Variants in SRC observed in about 807,000 individuals in gnomAD.
SRC encodes proto-oncogene tyrosine-protein kinase Src.
A neutral mutation model predicts 62.9 loss-of-function variants in SRC; 13 were observed. The ratio of observed to expected loss-of-function variants is 0.21; its 90% CI spans 0.13 to 0.33. SRC has a LOEUF of 0.33. SRC is among the 10% of genes least tolerant of loss of function. SRC has a pLI of 1.00. For synonymous variants in SRC, 302 were observed against 317.5 expected, an observed-to-expected ratio of 0.95 and a Z score of 0.52; for missense variants, 457 against 737.3, an observed-to-expected ratio of 0.62 and a Z score of 4.40.
At chr20:37,370,987 CTTCTTT>C (rs1230926051) in intron 2 of SRC, among the ~76,000 whole-genome samples, 12 of 91,244 alleles carry the variant, frequency 1.3e-4, no homozygotes, top group African/African-American at 8.9e-4. Context: ...TCTTCTTCTT[CTTCTTT>C]TTTTTTTTTT....
chr20:37,397,826 C>T lies in SRC; in HGVS notation c.831C>T (p.Gly277=), dbSNP rs760845781. The T allele has an allele frequency of 3.7e-5, 60 of 1,611,222 alleles. No individual in the cohort carries two copies. The highest frequency in any genetic ancestry group is 4.7e-5 in the Non-Finnish European group (56 of 1,179,708). Residue 277 remains glycine (G), a synonymous_variant, in exon 9 of 14, where the codon GGC becomes GGT. Coordinates refer to ENST00000373578, the MANE Select transcript of SRC (RefSeq NM_198291.3). The surrounding 1 kb of genome is among the most constrained non-coding windows in gnomAD (Gnocchi z 4.1). ...RESLRLEVKL[G]QGCFGEVWMG... ...CGCTGCGGCTGGAGGTCAAGCTGGG[C>T]CAGGGCTGCTTTGGCGAGGTGTGGA... is the stretch of plus-strand genomic sequence containing the variant.
At chr20:37,352,747 G>T (rs974842804) in intron 1 of SRC, among the ~76,000 whole-genome samples, 2 of 152,144 alleles carry the variant, frequency 1.3e-5, no homozygotes, top group African/African-American at 4.8e-5. Flanking sequence ...CCCTAGAGGT[G>T]CCCTGCCCCG....
intron 2 of SRC, among the ~76,000 whole-genome samples, chr20:37,370,449 C>T (rs141653214): frequency 6.8e-4 from 103 of 152,314 alleles, no homozygotes; most frequent in Non-Finnish European, 1.3e-3. Flanking sequence ...CTGGCAGGCA[C>T]CTGTAATCCC....
intron 1 of SRC, among the ~76,000 whole-genome samples, chr20:37,363,243 GC>G (rs2070005031): frequency 6.6e-6 from 1 of 152,198 alleles, no homozygotes; most frequent in South Asian, 2.1e-4. Flanking sequence ...AGTTTTGCAG[GC>G]CTTCGTGACT....
chr20:37,345,593 A>G (rs1432200772), upstream of SRC, among the ~76,000 whole-genome samples: 1 of 152,186 alleles, frequency 6.6e-6, no homozygotes, highest in African/African-American at 2.4e-5. Context: ...AACTCAGGTC[A>G]AGGCTAAAGT....
At chr20:37,381,095 C>T (rs1273426397) in intron 2 of SRC, among the ~76,000 whole-genome samples, 5 of 152,140 alleles carry the variant, frequency 3.3e-5, no homozygotes, top group South Asian at 2.1e-4. Flanking sequence ...TCCAGCACTC[C>T]GGCTCTTAAC....
chr20:37,373,610 C>A (rs917022634), intron 2 of SRC, among the ~76,000 whole-genome samples: 3 of 152,194 alleles, frequency 2.0e-5, no homozygotes, highest in African/African-American at 7.2e-5. Flanking sequence ...ACGCCCAGCT[C>A]TTCCCCTTTT....
chr20:37,388,442 T>G (rs1050001328), intron 5 of SRC, among the ~76,000 whole-genome samples: 1 of 152,164 alleles, frequency 6.6e-6, no homozygotes, highest in Non-Finnish European at 1.5e-5. Context: ...CAATGCTCCT[T>G]CGCTTAGACG....
chr20:37,379,990 C>T (rs1270414823), intron 2 of SRC, among the ~76,000 whole-genome samples: 1 of 118,650 alleles, frequency 8.4e-6, no homozygotes, highest in African/African-American at 3.1e-5. Flanking sequence ...AGAAAAAGAC[C>T]GAGAGAGCTT....
intron 2 of SRC, among the ~76,000 whole-genome samples, chr20:37,376,805 A>G (rs2070285561): frequency 6.6e-6 from 1 of 152,122 alleles, no homozygotes. Context: ...GCCCGGCCCC[A>G]CCTGTAGTTT....
intron 10 of SRC, among the ~76,000 whole-genome samples, chr20:37,400,783 T>C (rs770950762): frequency 6.6e-6 from 1 of 152,202 alleles, no homozygotes. Context: ...TTTTAACAAC[T>C]GGATTTACTG....
chr20:37,394,112 A>G, intron 6 of SRC, 62 bp from the exon 7 acceptor site: 1 of 1,570,398 alleles, frequency 6.4e-7, no homozygotes. Flanking sequence ...ATCCAGGGAG[A>G]AGCACTGTGA....
At chr20:37,375,239 T>TG (rs2147005507) in intron 2 of SRC, among the ~76,000 whole-genome samples, 1 of 146,456 alleles carries the variant, frequency 6.8e-6, no homozygotes, top group South Asian at 2.1e-4. Context: ...CCTCTTTCCT[T>TG]TTTTTTTTTT....
intron 7 of SRC, among the ~76,000 whole-genome samples, chr20:37,394,820 G>T (rs1165420844): frequency 6.6e-6 from 1 of 152,210 alleles, no homozygotes; most frequent in African/African-American, 2.4e-5. Flanking sequence ...CTGGGGCTCA[G>T]CGGGAGATGG....
chr20:37,366,378 T>A (rs1452953485), intron 2 of SRC, among the ~76,000 whole-genome samples: 1 of 152,198 alleles, frequency 6.6e-6, no homozygotes, highest in East Asian at 1.9e-4. Flanking sequence ...TGAGATAAAA[T>A]TCCCATACCA....
At position 37,396,448 on chromosome 20, in the gene SRC, C is replaced by T; in HGVS notation, c.703+137C>T. ...CCCACTTCCCCCTCCCCCCTCCCTT[C>T]CTCTCTCCTCCCTTTTCCCTCCTTT... On this transcript the variant is annotated intron_variant, in intron 8 of 13. Transcript: ENST00000373578. The surrounding 1 kb of genome is among the most constrained non-coding windows in gnomAD (Gnocchi z 6.1). The T allele has an allele frequency of 1.0e-6, 1 of 995,834 alleles. No individual in the cohort carries two copies. The highest frequency in any genetic ancestry group is 1.4e-6 in the Non-Finnish European group (1 of 690,298). The allele number at this position is 995,834 out of a possible 1,614,324, so 61.7% of individuals were successfully genotyped here. A position where few individuals can be genotyped will look rare whatever the true frequency, so the allele number is the denominator to read the frequency against.
At chr20:37,373,173 C>A (rs1338668698) in intron 2 of SRC, among the ~76,000 whole-genome samples, 1 of 140,782 alleles carries the variant, frequency 7.1e-6, no homozygotes, top group Non-Finnish European at 1.5e-5. Context: ...CATATATGTA[C>A]ACACATACAC....
chr20:37,392,514 C>A (rs1017808635), intron 5 of SRC, among the ~76,000 whole-genome samples: 1 of 152,198 alleles, frequency 6.6e-6, no homozygotes, highest in Non-Finnish European at 1.5e-5. Flanking sequence ...CCCTGCCTGC[C>A]GTGTGTCTTC....
intron 5 of SRC, among the ~76,000 whole-genome samples, chr20:37,392,884 G>T (rs1376985523): frequency 6.6e-6 from 1 of 151,926 alleles, no homozygotes; most frequent in Non-Finnish European, 1.5e-5. Flanking sequence ...TGCTCTTTCT[G>T]CCACTCTCCG....
Sources: allele counts gnomAD v4.1 joint callset (sites outside exome capture counted in the v4.1 genomes callset), GRCh38; gene constraint gnomAD v4.1.1; non-coding constraint Gnocchi (gnomAD v3.1); transcripts MANE v1.5; gene names NCBI Gene and HGNC (gene_info 2026-07-23, HGNC 2026-07-21).